The following DOCK4 variants were observed in gnomAD, a reference collection of about 807,000 sequenced individuals.
DOCK4 encodes dedicator of cytokinesis 4.
DOCK4 carries 97 observed loss-of-function variants against 268.1 expected under a neutral mutation model. That is an observed-to-expected ratio of 0.36 (90% CI 0.31 to 0.43). The LOEUF (loss-of-function observed/expected upper bound fraction) is 0.43. Among genes scored for constraint, DOCK4 ranks in the 20% least tolerant of loss-of-function variants. The pLI, the probability that DOCK4 is intolerant of heterozygous loss-of-function variation, is 1.00. For synonymous variants in DOCK4, 954 were observed against 887.2 expected, an observed-to-expected ratio of 1.08 and a Z score of -1.34; for missense variants, 2,145 against 2,455.7, an observed-to-expected ratio of 0.87 and a Z score of 2.67.
chr7:111,977,848 C>T (rs1416543726), intron 7 of DOCK4, among the ~76,000 whole-genome samples: 2 of 152,130 alleles, frequency 1.3e-5, no homozygotes, highest in Admixed American at 6.5e-5. Flanking sequence ...CTTGCTGTGG[C>T]GCTATAGGGA....
intron 1 of DOCK4, among the ~76,000 whole-genome samples, chr7:112,048,491 A>G (rs921242576): frequency 6.3e-4 from 96 of 151,752 alleles, no homozygotes; most frequent in African/African-American, 2.0e-3. Flanking sequence ...TGACCCCAGG[A>G]GGCAGAGGTT....
chr7:111,736,879 C>G (rs1795532239), intron 50 of DOCK4, 38 bp downstream of exon 50: 1 of 1,557,944 alleles, frequency 6.4e-7, no homozygotes, highest in Non-Finnish European at 8.7e-7. Flanking sequence ...AAAACAAGCC[C>G]TTACACATTC....
intron 23 of DOCK4, among the ~76,000 whole-genome samples, chr7:111,851,484 A>G (rs1387788596): frequency 6.6e-6 from 1 of 152,000 alleles, no homozygotes; most frequent in African/African-American, 2.4e-5. Context: ...AAGAAAACAT[A>G]GAAGAAAATC....
intron 36 of DOCK4, among the ~76,000 whole-genome samples, chr7:111,774,673 T>C (rs1202841145): frequency 6.6e-6 from 1 of 152,014 alleles, no homozygotes; most frequent in Non-Finnish European, 1.5e-5. Context: ...GTGGTACAAG[T>C]GGTAAGATGA....
chr7:112,203,557 T>C (rs1293567658), intron 1 of DOCK4, among the ~76,000 whole-genome samples: 2 of 152,156 alleles, frequency 1.3e-5, no homozygotes, highest in African/African-American at 2.4e-5. Context: ...TGCAGAAATA[T>C]ATAATTTATA....
intron 1 of DOCK4, among the ~76,000 whole-genome samples, chr7:112,204,882 A>AACACACACACACAC (rs34706974): frequency 6.7e-6 from 1 of 149,912 alleles, no homozygotes; most frequent in Non-Finnish European, 1.5e-5. Context: ...TCAATTTTAA[A>AACACACACACACAC]ACACACACAC....
intron 1 of DOCK4, among the ~76,000 whole-genome samples, chr7:112,202,690 G>A (rs1049685884): frequency 2.6e-5 from 4 of 151,546 alleles, no homozygotes; most frequent in African/African-American, 9.7e-5. Flanking sequence ...ACAGGCTATA[G>A]TGCACTATGA....
At chr7:112,030,928 G>A (rs968656651) in intron 1 of DOCK4, among the ~76,000 whole-genome samples, 41 of 152,212 alleles carry the variant, frequency 2.7e-4, no homozygotes, top group Non-Finnish European at 4.3e-4. Flanking sequence ...TGCAATGTAG[G>A]ACAAGGATGA....
At chr7:111,780,254 C>T (rs548139770) in intron 35 of DOCK4, among the ~76,000 whole-genome samples, 304 of 151,932 alleles carry the variant, frequency 2.0e-3, no homozygotes, top group Middle Eastern at 0.014. Context: ...TCAAATGCAT[C>T]ATAAATTTTT....
chr7:111,738,723 A>G (rs1795684444), intron 49 of DOCK4, among the ~76,000 whole-genome samples: 1 of 152,190 alleles, frequency 6.6e-6, no homozygotes, highest in South Asian at 2.1e-4. Context: ...GGATCACCTG[A>G]GGTCAGGAGT....
In DOCK4 at chr7:112,033,734, T is replaced by C. The variant is rs115257661; in HGVS notation, c.38-29603A>G. 7.2e-3 allele frequency among the ~76,000 whole-genome samples: 1,090 copies of C among 152,282 alleles called. 13 individuals carry two copies. Among genetic ancestry groups the C allele is most frequent in the African/African-American group, 0.025 (1,024 of 41,564 alleles). The stretch of plus-strand genomic sequence containing the variant: ...ACTAGTTTTCCAACATTCACACTCA[T>C]TGCCCCAAATAACACAGTCCTTGGA... On this transcript the variant is annotated intron_variant, in intron 1 of 52. Coordinates refer to ENST00000428084, the MANE Select transcript of DOCK4 (RefSeq NM_001363540.2).
intron 1 of DOCK4, among the ~76,000 whole-genome samples, chr7:112,201,693 G>A (rs1028676782): frequency 6.6e-6 from 1 of 152,088 alleles, no homozygotes; most frequent in African/African-American, 2.4e-5. Flanking sequence ...TAACAGATGA[G>A]GACATGCAGG....
chr7:112,061,744 C>CAA (rs1378743300), intron 1 of DOCK4, among the ~76,000 whole-genome samples: 1 of 119,116 alleles, frequency 8.4e-6, no homozygotes, highest in Admixed American at 1.0e-4. Flanking sequence ...CAATGTCACA[C>CAA]ACACACACAC....
At chr7:111,958,484 C>G (rs1039264031) in intron 8 of DOCK4, among the ~76,000 whole-genome samples, 2 of 152,034 alleles carry the variant, frequency 1.3e-5, no homozygotes, top group Non-Finnish European at 2.9e-5. Flanking sequence ...CAGAGATGAC[C>G]CGAATCCTAG....
At chr7:112,031,863 C>G (rs1803306455) in intron 1 of DOCK4, among the ~76,000 whole-genome samples, 1 of 152,122 alleles carries the variant, frequency 6.6e-6, no homozygotes, top group South Asian at 2.1e-4. Context: ...TGATGAAATA[C>G]TGAAAGATAC....
Position 111,733,179 on chromosome 7 carries a change from G to C in DOCK4, c.5420-892C>G, listed in dbSNP as rs1454198070. Among the ~76,000 whole-genome samples the C allele has an allele frequency of 2.6e-5, 4 of 152,202 alleles. No individual in the cohort carries two copies. In the South Asian group the frequency reaches 6.2e-4, roughly 24 times the overall value. On this transcript the variant is annotated intron_variant, in intron 51 of 52. Transcript: ENST00000428084. ...TCTCCCAGCTGTCACAGTGAGGTTT[G>C]CAACTCACAACTACTGAAAGGCTGT...
In DOCK4 at chr7:111,747,335, G is replaced by A; in HGVS notation, c.4525C>T (p.Pro1509Ser). Residue 1509 changes from proline (P) to serine (S), a missense_variant, in exon 43 of 53, where the codon CCC becomes TCC. By Grantham distance (74) the Pro-to-Ser change is moderately conservative. Around this residue, in one of 2 missense-constraint regions of DOCK4, gnomAD observed 1,598 missense variants for 1,986.7 expected, o/e 0.80. Coordinates refer to ENST00000428084, the MANE Select transcript of DOCK4 (RefSeq NM_001363540.2). Reference protein sequence around the residue: ...CQTRQMQNINPLTMCLNGVID... With the variant: ...CQTRQMQNINSLTMCLNGVID... ...ACTCCATTCAGGCACATAGTCAGGG[G>A]ATTAATATTCTGCATCTGTCTTGTC... 1.9e-6 allele frequency: 3 copies of A among 1,613,632 alleles called. No individual in the cohort carries two copies. The highest frequency in any genetic ancestry group is 2.5e-6 in the Non-Finnish European group (3 of 1,179,776).
rs1562894446 is a variant in DOCK4 at position 111,926,098 on chromosome 7, A to AGAG, written c.1066+9441_1066+9442insCTC. On this transcript the variant is annotated intron_variant, in intron 12 of 52. Transcript: ENST00000428084. ...GACAGAGCGAGACAAAGAAAAAAGA[A>AGAG]AGAGAGAGAGAGAGAAAGAGAAAAA... 4.1e-4 allele frequency among the ~76,000 whole-genome samples: 58 copies of AGAG among 141,452 alleles called. 3 individuals carry two copies. The highest frequency in any genetic ancestry group is 1.5e-3 in the African/African-American group (53 of 35,502). 92.8% of individuals were successfully genotyped at this position (141,452 alleles called of 152,430 possible). A position where few individuals can be genotyped will look rare whatever the true frequency, so the allele number is the denominator to read the frequency against.
chr7:111,765,640 C>A (rs1797716984), intron 38 of DOCK4, among the ~76,000 whole-genome samples: 1 of 152,172 alleles, frequency 6.6e-6, no homozygotes, highest in African/African-American at 2.4e-5. Flanking sequence ...CTAGAGAATT[C>A]TTGTGCCAGA....
Sources: allele counts gnomAD v4.1 joint callset (sites outside exome capture counted in the v4.1 genomes callset), GRCh38; gene constraint gnomAD v4.1.1; regional missense constraint gnomAD v4.1.1; transcripts MANE v1.5; gene names NCBI Gene and HGNC (gene_info 2026-07-23, HGNC 2026-07-21).